Variants in WWTR1 observed in about 807,000 individuals in gnomAD.
The protein encoded by WWTR1 is WW domain-containing transcription regulator protein 1.
A neutral mutation model predicts 40.1 loss-of-function variants in WWTR1; 13 were observed. The observed-to-expected ratio is 0.32, with a 90% CI of 0.21 to 0.52. The LOEUF (loss-of-function observed/expected upper bound fraction) is 0.52, where lower values mean the gene tolerates loss of function less well. Among genes scored for constraint, WWTR1 ranks in the 20% least tolerant of loss-of-function variants. The probability of loss-of-function intolerance (pLI) is 0.97; values close to 1 mark genes in which losing one functional copy is unlikely to be tolerated. For missense variants in WWTR1, 436 were observed against 523.1 expected (o/e 0.83, Z 1.63); for synonymous variants, 230 against 210.1 (o/e 1.09, Z -0.82).
intron 1 of WWTR1, among the ~76,000 whole-genome samples, chr3:149,684,301 G>A (rs117336824): frequency 0.021 from 3,249 of 152,110 alleles, 66 homozygotes; most frequent in South Asian, 0.092. Flanking sequence ...GATTACAGGC[G>A]TCAGCCACCA....
At chr3:149,616,764 T>A (rs948217193) in intron 2 of WWTR1, among the ~76,000 whole-genome samples, 2 of 152,212 alleles carry the variant, frequency 1.3e-5, no homozygotes, top group African/African-American at 2.4e-5. Flanking sequence ...TTTTAATAAA[T>A]TTCTTTCATT....
chr3:149,534,700 T>C lies in WWTR1; in HGVS notation c.772-6731A>G, dbSNP rs751662627. Among the ~76,000 whole-genome samples the C allele has an allele frequency of 8.5e-5, 13 of 152,314 alleles. 1 individual carries two copies. Among genetic ancestry groups the C allele is most frequent in the Admixed American group, 5.9e-4 (9 of 15,298 alleles). ...TGACCCAACCCTCCTCCAACAAATTTATTTTTGTCTATGTCCAAGCTTGGG... is the reference window on the plus strand; with the variant it reads ...TGACCCAACCCTCCTCCAACAAATTCATTTTTGTCTATGTCCAAGCTTGGG... On this transcript the variant is annotated intron_variant, in intron 4 of 6. Coordinates refer to ENST00000360632, the MANE Select transcript of WWTR1 (RefSeq NM_015472.6).
At chr3:149,524,327 G>GTTT (rs3044124) in intron 6 of WWTR1, among the ~76,000 whole-genome samples, 11,318 of 138,576 alleles carry the variant, frequency 0.082, 591 homozygotes, top group East Asian at 0.18. Flanking sequence ...CTCTTTTATG[G>GTTT]TTTTTTTTTT....
intron 2 of WWTR1, among the ~76,000 whole-genome samples, chr3:149,644,745 A>G (rs890249523): frequency 6.6e-6 from 1 of 152,194 alleles, no homozygotes; most frequent in East Asian, 1.9e-4. Flanking sequence ...AAGATAACAC[A>G]AGTAACTGGG....
chr3:149,685,180 C>G (rs1714603137), intron 1 of WWTR1, among the ~76,000 whole-genome samples: 1 of 152,178 alleles, frequency 6.6e-6, no homozygotes, highest in Admixed American at 6.5e-5. Context: ...TCAACCAGAA[C>G]TCTCAGGACA....
intron 1 of WWTR1, among the ~76,000 whole-genome samples, chr3:149,679,139 T>C (rs994244535): frequency 3.9e-5 from 6 of 152,216 alleles, no homozygotes; most frequent in African/African-American, 1.4e-4. Flanking sequence ...CCCAAGGCCA[T>C]ATGTTTTTGT....
rs149985695 is a variant in WWTR1, at chr3:149,657,281, G to A, written c.26C>T (p.Pro9Leu). 1.7e-4 allele frequency: 272 copies of A among 1,612,700 alleles called. No homozygotes were observed. The African/African-American group carries it at 3.3e-3, about 20-fold the overall frequency. ...CACTTGCTGCCCAGGCGGCGGGAGC[G>A]GAGGGGGCGCCGAGGCCGGATTCAT... MNPASAPP[P>L]LPPPGQQVIH... The change falls in exon 2 of 7, where the codon CCG (proline) becomes CTG (leucine). Residue 9 changes from proline (P) to leucine (L), a missense_variant. Physicochemically the swap from Pro to Leu is moderately conservative, Grantham distance 98 (BLOSUM62 -3). Transcript: ENST00000360632.
intron 1 of WWTR1, among the ~76,000 whole-genome samples, chr3:149,691,560 A>C (rs528705414): frequency 6.6e-6 from 1 of 152,234 alleles, no homozygotes; most frequent in African/African-American, 2.4e-5. Flanking sequence ...AAAACCTAGA[A>C]GAAATGAATA....
At chr3:149,542,244 G>C (rs1274653143) in intron 4 of WWTR1, 91 bp downstream of exon 4, 2 of 1,432,114 alleles carry the variant, frequency 1.4e-6, no homozygotes, top group Non-Finnish European at 1.9e-6. Context: ...TTCTTCTCTA[G>C]AAGAATTACC....
chr3:149,636,259 A>T (rs1045487018), intron 2 of WWTR1, among the ~76,000 whole-genome samples: 7 of 152,198 alleles, frequency 4.6e-5, no homozygotes, highest in Admixed American at 2.0e-4. Flanking sequence ...AATCCACTTA[A>T]TTAGTTTTGT....
At chr3:149,587,398 C>T (rs1462704865) in intron 2 of WWTR1, among the ~76,000 whole-genome samples, 1 of 151,968 alleles carries the variant, frequency 6.6e-6, no homozygotes, top group Non-Finnish European at 1.5e-5. Flanking sequence ...ATGATGATGA[C>T]CCCAATGTCC....
rs182690948 is a variant in WWTR1 at position 149,601,269 on chromosome 3, C to A, written c.432-28269G>T. 2.5e-3 allele frequency among the ~76,000 whole-genome samples: 379 copies of A among 152,302 alleles called. 1 individual carries two copies. Among genetic ancestry groups the A allele is most frequent in the African/African-American group, 8.8e-3 (364 of 41,566 alleles). On this transcript the variant is annotated intron_variant, in intron 2 of 6. Transcript: ENST00000360632. ...GCAATGGAGCCATCTCAGCTCACTG[C>A]AACCTCTGCCTCCCAGGTTCAAGCA...
intron 3 of WWTR1, among the ~76,000 whole-genome samples, chr3:149,565,138 G>A (rs1207787982): frequency 1.3e-5 from 2 of 151,416 alleles, no homozygotes; most frequent in African/African-American, 2.4e-5. Context: ...AGTGAGCCGA[G>A]ATCACACCAC....
chr3:149,622,483 AAGGAAGGAAGGAAGGAAGG>A (rs1740329758), intron 2 of WWTR1, among the ~76,000 whole-genome samples: 2 of 129,016 alleles, frequency 1.6e-5, no homozygotes, highest in Non-Finnish European at 3.3e-5. Context: ...GGAAGGAAGG[AAGGAAGGAAGGAAGGAAGG>A]AAGAAAGAAA....
At chr3:149,724,684 C>T (rs983914962) in intron 3 of WWTR1, 1 of 152,120 alleles carries the variant, frequency 6.6e-6, no homozygotes, top group Non-Finnish European at 1.5e-5. Context: ...GTAGATTCTC[C>T]CATTTCCTAG....
chr3:149,700,482 T>C (rs1715135333), intron 1 of WWTR1, among the ~76,000 whole-genome samples: 1 of 152,142 alleles, frequency 6.6e-6, no homozygotes, highest in Non-Finnish European at 1.5e-5. Flanking sequence ...TGCAAGTAGC[T>C]ACTAAGCTCA....
At chr3:149,619,014 G>A (rs1413319007) in intron 2 of WWTR1, among the ~76,000 whole-genome samples, 10 of 152,278 alleles carry the variant, frequency 6.6e-5, no homozygotes, top group South Asian at 6.2e-4. Flanking sequence ...CAAGATAAAC[G>A]TGCCATTCTG....
chr3:149,678,795 A>C (rs1393624825), intron 1 of WWTR1, among the ~76,000 whole-genome samples: 2 of 151,476 alleles, frequency 1.3e-5, no homozygotes, highest in Non-Finnish European at 2.9e-5. Context: ...AAGGTCCTGG[A>C]GGAATTATAT....
intron 5 of WWTR1, among the ~76,000 whole-genome samples, chr3:149,712,541 T>G (rs1366262369): frequency 6.6e-6 from 1 of 152,202 alleles, no homozygotes; most frequent in Non-Finnish European, 1.5e-5. Context: ...AAACTGGATG[T>G]TTTTAGTTGC....
Sources: gnomAD v4.1 joint callset for allele counts (sites outside exome capture counted in the v4.1 genomes callset) on GRCh38, gnomAD v4.1.1 for gene constraint, MANE v1.5 for transcripts, NCBI Gene and HGNC (gene_info 2026-07-23, HGNC 2026-07-21) for gene names.